The following RAP1GAP2 variants were observed in gnomAD, a reference collection of about 807,000 sequenced individuals.
RAP1GAP2 encodes the protein RAP1 GTPase activating protein 2.
In RAP1GAP2, 27 loss-of-function variants were observed where a neutral mutation model predicts 95.0. That is an observed-to-expected ratio of 0.28 (90% confidence interval 0.21 to 0.39). The LOEUF (loss-of-function observed/expected upper bound fraction) is 0.39, where lower values mean the gene tolerates loss of function less well. Among genes scored for constraint, RAP1GAP2 ranks in the 10% least tolerant of loss-of-function variants. RAP1GAP2 has a pLI of 1.00. For synonymous variants in RAP1GAP2, 373 were observed against 380.9 expected (o/e 0.98, Z 0.24); for missense variants, 771 against 970.0 (o/e 0.79, Z 2.72).
chr17:2,895,133 A>G (rs2073847657), intron 2 of RAP1GAP2, among the ~76,000 whole-genome samples: 1 of 152,208 alleles, frequency 6.6e-6, no homozygotes, highest in Admixed American at 6.5e-5. Context: ...CTTGTTTCAG[A>G]AGGCACCTTT....
intron 3 of RAP1GAP2, among the ~76,000 whole-genome samples, chr17:2,914,553 C>G (rs58390426): frequency 1.3e-5 from 2 of 151,926 alleles, no homozygotes; most frequent in Non-Finnish European, 2.9e-5. Context: ...TGCAGTGGCC[C>G]GATCTCAGCT....
At chr17:2,897,561 T>C (rs1269322625) in intron 2 of RAP1GAP2, among the ~76,000 whole-genome samples, 2 of 152,016 alleles carry the variant, frequency 1.3e-5, no homozygotes, top group African/African-American at 4.8e-5. Context: ...GGTTTCACCA[T>C]GTTGGCCAGG....
intron 19 of RAP1GAP2, among the ~76,000 whole-genome samples, chr17:3,025,670 G>A (rs2047087217): frequency 6.6e-6 from 1 of 152,268 alleles, no homozygotes; most frequent in Non-Finnish European, 1.5e-5. Context: ...CATTCCCCAC[G>A]GGGCCCTCTC....
intron 17 of RAP1GAP2, among the ~76,000 whole-genome samples, chr17:3,017,291 C>T (rs1334987190): frequency 6.6e-6 from 1 of 152,096 alleles, no homozygotes; most frequent in Non-Finnish European, 1.5e-5. Flanking sequence ...CCAGTGTGCC[C>T]CTTGCTCCTG....
chr17:2,835,219 G>A (rs557261212), intron 2 of RAP1GAP2, among the ~76,000 whole-genome samples: 12 of 141,350 alleles, frequency 8.5e-5, no homozygotes, highest in African/African-American at 3.2e-4. Flanking sequence ...ACTGCACTCT[G>A]CCATTAATTA....
chr17:2,801,633 G>A (rs1031529118), intron 2 of RAP1GAP2, among the ~76,000 whole-genome samples: 1 of 113,274 alleles, frequency 8.8e-6, no homozygotes, highest in African/African-American at 3.0e-5. Context: ...GTGTGTGTGT[G>A]TGTGTGTGTG....
At chr17:2,820,556 G>A (rs1406747336) in intron 2 of RAP1GAP2, among the ~76,000 whole-genome samples, 1 of 150,630 alleles carries the variant, frequency 6.6e-6, no homozygotes, top group East Asian at 2.0e-4. Context: ...GGAGGCAGAG[G>A]CTGCAGTGAG....
intron 3 of RAP1GAP2, among the ~76,000 whole-genome samples, chr17:2,925,558 A>C (rs2042928136): frequency 6.6e-6 from 1 of 152,182 alleles, no homozygotes; most frequent in Non-Finnish European, 1.5e-5. Flanking sequence ...TTACAGTTCG[A>C]GATGAGATTT....
rs544454846 is a variant in RAP1GAP2, at chr17:2,822,031, C to T, written c.80+21481C>T. Among the ~76,000 whole-genome samples, 4 of 152,202 alleles carry T rather than the reference C, an allele frequency of 2.6e-5. No individual in the cohort carries two copies. The East Asian group carries it at 5.8e-4, about 22-fold the overall frequency. On this transcript the variant is annotated intron_variant, in intron 2 of 24. Transcript: ENST00000254695. Reference sequence around the variant, plus strand: ...CCGGGTGGTGCTGAGGAGGAGGAGGCGGCAAGCTGGTGTCTGGGGCAGTGA... The same window carrying T: ...CCGGGTGGTGCTGAGGAGGAGGAGGTGGCAAGCTGGTGTCTGGGGCAGTGA...
chr17:2,957,723 T>A (rs773611747), intron 3 of RAP1GAP2, 36 bp from the exon 4 acceptor site: 1 of 1,601,940 alleles, frequency 6.2e-7, no homozygotes, highest in South Asian at 1.1e-5. Context: ...TCCCGGCTGA[T>A]CCCTGTCTTT....
chr17:2,946,076 C>T (rs1177170894), intron 3 of RAP1GAP2, among the ~76,000 whole-genome samples: 1 of 152,190 alleles, frequency 6.6e-6, no homozygotes, highest in East Asian at 1.9e-4. Context: ...CAGGTGTGAG[C>T]CACCGTGCCC....
chr17:2,841,303 A>AT (rs35885315), intron 2 of RAP1GAP2, among the ~76,000 whole-genome samples: 70,236 of 126,918 alleles, frequency 0.55, 21,248 homozygotes, highest in African/African-American at 0.74. Context: ...GATATGGGGA[A>AT]TTTTTTTTTT....
chr17:3,004,467 G>A lies in RAP1GAP2; in HGVS notation c.1201-902G>A, dbSNP rs1175817350. Among the ~76,000 whole-genome samples, 5 of 152,250 alleles carry A rather than the reference G, an allele frequency of 3.3e-5. No individual in the cohort carries two copies. The highest frequency in any genetic ancestry group is 9.6e-5 in the African/African-American group (4 of 41,480). On this transcript the variant is annotated intron_variant, in intron 14 of 24. Transcript: ENST00000254695. This position sits in a 1 kb window ranked among gnomAD's most constrained non-coding sequence, Gnocchi z 4.1. ...CAGGGCTGGGCTCACGTCAGCGGCT[G>A]TGTAGGGAAGGGAGGGCAGTCTCCC... is the stretch of plus-strand genomic sequence containing the variant.
In RAP1GAP2 at chr17:2,870,499, G is replaced by A. The variant is rs1251007724; in HGVS notation, c.81-34785G>A. ...CAGAAAATTTGGAAAACACAGAAAA[G>A]CACAAGGATTAAAATAAAAATCACC... On this transcript the variant is annotated intron_variant, in intron 2 of 24. Coordinates refer to ENST00000254695, the MANE Select transcript of RAP1GAP2 (RefSeq NM_015085.5). The surrounding 1 kb of genome is among the most constrained non-coding windows in gnomAD (Gnocchi z 4.4). Among the ~76,000 whole-genome samples, 2 of 152,106 alleles carry A rather than the reference G, an allele frequency of 1.3e-5. No homozygotes were observed. Among genetic ancestry groups the A allele is most frequent in the African/African-American group, 4.8e-5 (2 of 41,418 alleles).
intron 2 of RAP1GAP2, among the ~76,000 whole-genome samples, chr17:2,888,118 C>A (rs902963987): frequency 1.3e-5 from 2 of 152,090 alleles, no homozygotes; most frequent in African/African-American, 4.8e-5. Flanking sequence ...AAAAATTTTG[C>A]TTTTATCATG....
At chr17:2,936,451 C>T (rs762241898) in intron 3 of RAP1GAP2, among the ~76,000 whole-genome samples, 1 of 151,830 alleles carries the variant, frequency 6.6e-6, no homozygotes, top group Non-Finnish European at 1.5e-5. Flanking sequence ...CTGAGGTTAA[C>T]ACAGACAAAC....
intron 1 of RAP1GAP2, among the ~76,000 whole-genome samples, chr17:2,758,376 A>T (rs1411204384): frequency 6.6e-6 from 1 of 151,084 alleles, no homozygotes. Flanking sequence ...GGGTTTCACC[A>T]TGTTGGCCAG....
chr17:2,960,896 G>A (rs2044295019), intron 4 of RAP1GAP2, among the ~76,000 whole-genome samples: 1 of 152,202 alleles, frequency 6.6e-6, no homozygotes, highest in South Asian at 2.1e-4. Flanking sequence ...TGCACAACAC[G>A]GTTAAGTCAG....
At chr17:2,833,795 A>G (rs1597398531) in intron 2 of RAP1GAP2, among the ~76,000 whole-genome samples, 2 of 151,636 alleles carry the variant, frequency 1.3e-5, no homozygotes, top group Admixed American at 6.6e-5. Flanking sequence ...CCTAGATGTG[A>G]GATTGCTGGG....
Sources: allele counts gnomAD v4.1 joint callset (sites outside exome capture counted in the v4.1 genomes callset), GRCh38; gene constraint gnomAD v4.1.1; non-coding constraint Gnocchi (gnomAD v3.1); transcripts MANE v1.5; gene names NCBI Gene and HGNC (gene_info 2026-07-23, HGNC 2026-07-21).